Variants in COL4A3 observed in about 807,000 individuals in gnomAD.
The protein encoded by COL4A3 is collagen type IV alpha 3 chain, also known as collagen alpha-3(IV) chain.
Under a neutral mutation model 217.4 loss-of-function variants are expected in COL4A3, and 135 were observed. That is an observed-to-expected ratio of 0.62 (90% CI 0.54 to 0.72). COL4A3 has a LOEUF of 0.72. Among genes scored for constraint, COL4A3 ranks in the 30% least tolerant of loss-of-function variants. COL4A3 has a pLI of 0.00. For missense variants in COL4A3, 1,868 were observed against 2,119.9 expected (o/e 0.88, Z 2.33); for synonymous variants, 690 against 736.3 (o/e 0.94, Z 1.02).
chr2:227,238,159 G>T (rs2068802072), intron 2 of COL4A3, 135 bp downstream of exon 2: 46 of 546,938 alleles, frequency 8.4e-5, no homozygotes, highest in Admixed American at 9.1e-5. Flanking sequence ...TAAAGTAATT[G>T]TATATAAACA....
At chr2:227,286,631 C>A (rs2072344645) in intron 34 of COL4A3, among the ~76,000 whole-genome samples, 1 of 152,222 alleles carries the variant, frequency 6.6e-6, no homozygotes, top group African/African-American at 2.4e-5. Context: ...GGGCCTCACT[C>A]TTGGCCTCCT....
At chr2:227,184,071 C>G (rs2065938625) in intron 1 of COL4A3, among the ~76,000 whole-genome samples, 1 of 152,158 alleles carries the variant, frequency 6.6e-6, no homozygotes, top group South Asian at 2.1e-4. Flanking sequence ...CTGTTGCTTG[C>G]CACCTCAAAA....
intron 1 of COL4A3, among the ~76,000 whole-genome samples, chr2:227,194,122 A>G (rs150134052): frequency 6.8e-6 from 1 of 147,824 alleles, no homozygotes; most frequent in Non-Finnish European, 1.5e-5. Flanking sequence ...GAAGAGTCCT[A>G]TGGGTTATGT....
intron 23 of COL4A3, among the ~76,000 whole-genome samples, chr2:227,269,323 T>A (rs1270906854): frequency 6.6e-6 from 1 of 152,218 alleles, no homozygotes; most frequent in African/African-American, 2.4e-5. Flanking sequence ...CAAAGCATTG[T>A]TCACAACAGC....
At chr2:227,251,790 C>G (rs906276794) in intron 11 of COL4A3, among the ~76,000 whole-genome samples, 3 of 152,084 alleles carry the variant, frequency 2.0e-5, no homozygotes, top group Non-Finnish European at 4.4e-5. Flanking sequence ...AAGACCAGCC[C>G]AGGCGCATTG....
At position 227,263,840 on chromosome 2, in the gene COL4A3, G is replaced by A; in HGVS notation, c.1211G>A (p.Gly404Glu). ...PGWPGLKGSK[G>E]ERGRPGKDAM... ...TGGCCAGGCCTGAAAGGAAGTAAAG[G>A]GGAACGAGGCCGCCCAGGAAAGGAT... is the stretch of plus-strand genomic sequence containing the variant. Residue 404 changes from glycine (G) to glutamate (E), a missense_variant, in exon 21 of 52, where the codon GGG (glycine) becomes GAG (glutamate). Gly to Glu is a moderately conservative substitution (Grantham distance 98). Coordinates refer to ENST00000396578, the MANE Select transcript of COL4A3 (RefSeq NM_000091.5). 6.2e-7 allele frequency: 1 copy of A among 1,614,136 alleles called. No homozygotes were observed. Among genetic ancestry groups the A allele is most frequent in the Non-Finnish European group, 8.5e-7 (1 of 1,180,004 alleles).
At chr2:227,202,075 A>C (rs1433783141) in intron 1 of COL4A3, among the ~76,000 whole-genome samples, 1 of 152,174 alleles carries the variant, frequency 6.6e-6, no homozygotes, top group Non-Finnish European at 1.5e-5. Context: ...CAACACAAAA[A>C]TCCAGGTGCA....
In COL4A3 at chr2:227,191,902, T is replaced by C. The variant is rs1245810367; in HGVS notation, c.87+27089T>C. The stretch of plus-strand genomic sequence containing the variant: ...AATTTGGCAATTTCTTCAACAGCAG[T>C]GCCCTTATCAAAAACAGACACTTGA... On this transcript the variant is annotated intron_variant, in intron 1 of 51. Transcript: ENST00000396578. The surrounding 1 kb of genome is among the most constrained non-coding windows in gnomAD (Gnocchi z 6.8). Among the ~76,000 whole-genome samples the C allele has an allele frequency of 6.6e-6, 1 of 152,150 alleles. No homozygotes were observed. Among genetic ancestry groups the C allele is most frequent in the Non-Finnish European group, 1.5e-5 (1 of 68,022 alleles).
At chr2:227,298,343 C>T (rs1329122352) in intron 42 of COL4A3, among the ~76,000 whole-genome samples, 1 of 150,420 alleles carries the variant, frequency 6.6e-6, no homozygotes, top group Non-Finnish European at 1.5e-5. Context: ...CAGAACAAAA[C>T]TGTATCAAAA....
chr2:227,169,826 A>G lies in COL4A3; in HGVS notation c.87+5013A>G, dbSNP rs143178127. ...AGCTGCAAACGTGTATACCATTCATATGTGGATCTATTTGTAAACTCTCTA... is the reference window on the plus strand; with the variant it reads ...AGCTGCAAACGTGTATACCATTCATGTGTGGATCTATTTGTAAACTCTCTA... On this transcript the variant is annotated intron_variant, in intron 1 of 51. Transcript: ENST00000396578. 7.2e-3 allele frequency among the ~76,000 whole-genome samples: 1,093 copies of G among 152,238 alleles called. 10 individuals are homozygous for G. The highest frequency in any genetic ancestry group is 0.017 in the Middle Eastern group (5 of 294).
chr2:227,269,837 A>G (rs1392102532), intron 23 of COL4A3, 73 bp from the exon 24 acceptor site: 6 of 1,262,456 alleles, frequency 4.8e-6, no homozygotes, highest in Non-Finnish European at 5.8e-6. Context: ...TATTTTCTTC[A>G]TACATTGTAT....
intron 31 of COL4A3, among the ~76,000 whole-genome samples, chr2:227,281,505 G>A (rs1490346871): frequency 6.6e-6 from 1 of 152,154 alleles, no homozygotes; most frequent in Non-Finnish European, 1.5e-5. Context: ...CAGGCTAGAT[G>A]TTCCAGATGA....
intron 47 of COL4A3, among the ~76,000 whole-genome samples, chr2:227,305,847 A>T (rs981464643): frequency 6.6e-6 from 1 of 152,178 alleles, no homozygotes; most frequent in East Asian, 1.9e-4. Context: ...TCGATATCCA[A>T]ATCTTCTATT....
chr2:227,302,589 A>C (rs75467290), intron 43 of COL4A3, among the ~76,000 whole-genome samples: 1 of 149,760 alleles, frequency 6.7e-6, no homozygotes, highest in Admixed American at 6.8e-5. Context: ...AGGCATGACA[A>C]TTACTTGAAT....
At chr2:227,180,683 G>C (rs140466159) in intron 1 of COL4A3, among the ~76,000 whole-genome samples, 1 of 152,280 alleles carries the variant, frequency 6.6e-6, no homozygotes, top group African/African-American at 2.4e-5. Flanking sequence ...TGAATCACAA[G>C]ATGTGGCACA....
chr2:227,294,832 G>C, intron 39 of COL4A3, 132 bp from the exon 40 acceptor site: 2 of 786,216 alleles, frequency 2.5e-6, no homozygotes, highest in South Asian at 2.9e-5. Flanking sequence ...CATAGCTACA[G>C]TTCTGAAAAA....
rs575274561 is a variant in COL4A3, at chr2:227,188,914, A to G, written c.87+24101A>G. 6.6e-5 allele frequency among the ~76,000 whole-genome samples: 10 copies of G among 152,356 alleles called. No homozygotes were observed. In the East Asian group the frequency reaches 1.9e-3, roughly 29 times the overall value. Reference sequence around the variant, plus strand: ...AAATGGGCAATTGTAATGTCACATGATAGGACAGGGATGCAATGACAGAGA... The same window carrying G: ...AAATGGGCAATTGTAATGTCACATGGTAGGACAGGGATGCAATGACAGAGA... On this transcript the variant is annotated intron_variant, in intron 1 of 51. Transcript: ENST00000396578.
intron 34 of COL4A3, among the ~76,000 whole-genome samples, chr2:227,287,393 T>C (rs1056667393): frequency 6.6e-6 from 1 of 150,882 alleles, no homozygotes; most frequent in Non-Finnish European, 1.5e-5. Flanking sequence ...ATTGTGCCAC[T>C]GCACTCCAGC....
intron 25 of COL4A3, among the ~76,000 whole-genome samples, chr2:227,272,665 A>AGTTTTAT (rs2071311779): frequency 6.6e-6 from 1 of 152,238 alleles, no homozygotes; most frequent in South Asian, 2.1e-4. Flanking sequence ...ATTTGAACAT[A>AGTTTTAT]GTTTTAGTGG....
Sources: allele counts gnomAD v4.1 joint callset (sites outside exome capture counted in the v4.1 genomes callset), GRCh38; gene constraint gnomAD v4.1.1; non-coding constraint Gnocchi (gnomAD v3.1); transcripts MANE v1.5; gene names NCBI Gene and HGNC (gene_info 2026-07-23, HGNC 2026-07-21).